Variants in BLTP1 observed in about 807,000 individuals in gnomAD.
The protein encoded by BLTP1 is fragile site-associated protein.
the BLTP1 span, chr4:122,305,841 T>C: frequency 5.2e-4 from 778 of 1,508,128 alleles, 5 homozygotes; most frequent in African/African-American, 9.2e-3. Flanking sequence ...ACTTTTTCCA[T>C]TATTTTATTT....
chr4:122,335,576 C>T, the BLTP1 span, among the ~76,000 whole-genome samples: 2 of 152,096 alleles, frequency 1.3e-5, no homozygotes, highest in Non-Finnish European at 2.9e-5. Context: ...TAACAAGGCA[C>T]ATCTGTGTCC....
the BLTP1 span, chr4:122,244,771 G>A: frequency 2.1e-6 from 1 of 471,932 alleles, no homozygotes; most frequent in Non-Finnish European, 2.8e-6. Context: ...TTCTTCAGAA[G>A]TTTGTTAAAG....
the BLTP1 span, among the ~76,000 whole-genome samples, chr4:122,241,048 A>G: frequency 6.6e-6 from 1 of 152,208 alleles, no homozygotes. Context: ...TCAGTATATC[A>G]TTACAAAGTG....
the BLTP1 span, chr4:122,273,458 C>A: frequency 1.0e-6 from 1 of 980,826 alleles, no homozygotes; most frequent in Non-Finnish European, 1.2e-6. Context: ...ATAAACAATA[C>A]ACAAATGCTC....
the BLTP1 span, among the ~76,000 whole-genome samples, chr4:122,295,936 A>C: frequency 2.3e-3 from 357 of 152,322 alleles, no homozygotes; most frequent in Non-Finnish European, 2.8e-3. Flanking sequence ...TACATACCTC[A>C]AAATAATAAG....
the BLTP1 span, chr4:122,225,015 G>T: frequency 5.0e-6 from 5 of 996,828 alleles, no homozygotes; most frequent in South Asian, 3.2e-5. Flanking sequence ...CTCCATTGTT[G>T]GAAAAATCTT....
the BLTP1 span, chr4:122,190,372 A>G: frequency 2.6e-5 from 24 of 918,422 alleles, 1 homozygote; most frequent in Middle Eastern, 2.2e-3. Flanking sequence ...CTGGGATTGT[A>G]GTCATGAGCC....
the BLTP1 span, chr4:122,254,620 T>C: frequency 1.2e-6 from 1 of 835,444 alleles, no homozygotes. Flanking sequence ...TTTTTTTTCT[T>C]TCTTTTCTAT....
At chr4:122,192,126 A>G in the BLTP1 span, 1 of 1,254,762 alleles carries the variant, frequency 8.0e-7, no homozygotes. Context: ...TTAAGAGTGT[A>G]AAGGTTTCCT....
chr4:122,187,794 C>A, the BLTP1 span: 1 of 1,268,904 alleles, frequency 7.9e-7, no homozygotes, highest in Non-Finnish European at 1.1e-6. Context: ...AATCATTAAG[C>A]TGTTGTTTGA....
At chr4:122,196,065 A>G in the BLTP1 span, among the ~76,000 whole-genome samples, 1 of 152,226 alleles carries the variant, frequency 6.6e-6, no homozygotes, top group Non-Finnish European at 1.5e-5. Context: ...TTAGCCTCCA[A>G]ATACCTATTT....
At chr4:122,340,709 CTAG>C in the BLTP1 span, 1 of 984,702 alleles carries the variant, frequency 1.0e-6, no homozygotes, top group Non-Finnish European at 1.2e-6. Flanking sequence ...CACCCATTAT[CTAG>C]TACTTAGCTT....
the BLTP1 span, chr4:122,336,540 G>A: frequency 5.1e-6 from 3 of 593,044 alleles, no homozygotes; most frequent in African/African-American, 4.0e-5. Flanking sequence ...ACTAAGTCCT[G>A]GTGAGGTTAC....
chr4:122,305,162 C>T, the BLTP1 span: 2 of 977,384 alleles, frequency 2.0e-6, no homozygotes, highest in Non-Finnish European at 2.4e-6. Context: ...AAATTGTAGC[C>T]GCATATTGTT....
At chr4:122,237,394 TC>T in the BLTP1 span, 1 of 979,510 alleles carries the variant, frequency 1.0e-6, no homozygotes, top group Non-Finnish European at 1.2e-6. Context: ...ATTCATAAAA[TC>T]ATGTATTGAG....
the BLTP1 span, chr4:122,298,258 TTG>T: frequency 0.059 from 55,107 of 937,760 alleles, 1,858 homozygotes; most frequent in Middle Eastern, 0.065. Flanking sequence ...ACCTATTGTG[TTG>T]TGTTTGTTGT....
the BLTP1 span, chr4:122,232,209 A>T: frequency 2.5e-5 from 18 of 715,600 alleles, no homozygotes; most frequent in Non-Finnish European, 3.1e-5. Context: ...TTACAATTTC[A>T]TGGATGCTGG....
chr4:122,159,384 A>T, the BLTP1 span, among the ~76,000 whole-genome samples: 32 of 150,972 alleles, frequency 2.1e-4, no homozygotes, highest in African/African-American at 7.6e-4. Context: ...AATCGCTTGG[A>T]CCCGGGAGGC....
At chr4:122,173,130 C>T in the BLTP1 span, 49 of 1,611,230 alleles carry the variant, frequency 3.0e-5, no homozygotes, top group Non-Finnish European at 4.0e-5. Context: ...ACAGATTATA[C>T]AAGCATGGCT....
Sources: allele counts gnomAD v4.1 joint callset (sites outside exome capture counted in the v4.1 genomes callset), GRCh38; gene constraint gnomAD v4.1.1; transcripts MANE v1.5; gene names NCBI Gene and HGNC (gene_info 2026-07-23, HGNC 2026-07-21).